CSGALNACT2: variants seen among roughly 807,000 people sequenced by gnomAD.
CSGALNACT2 encodes the protein beta 4 GalNAcT-2.
In CSGALNACT2, 35 loss-of-function variants were observed where a neutral mutation model predicts 55.3. The observed-to-expected ratio is 0.63, with a 90% confidence interval of 0.48 to 0.84. The LOEUF (loss-of-function observed/expected upper bound fraction) is 0.84. Among genes scored for constraint, CSGALNACT2 ranks in the 40% least tolerant of loss-of-function variants. The pLI, the probability that CSGALNACT2 is intolerant of heterozygous loss-of-function variation, is 0.00. For synonymous variants in CSGALNACT2, 196 were observed against 224.9 expected (o/e 0.87, Z 1.15); for missense variants, 544 against 657.5 (o/e 0.83, Z 1.89).
At chr10:43,177,120 T>C (rs1055435213) in intron 7 of CSGALNACT2, among the ~76,000 whole-genome samples, 1 of 152,126 alleles carries the variant, frequency 6.6e-6, no homozygotes, top group Non-Finnish European at 1.5e-5. Flanking sequence ...AATCAGGAAA[T>C]AACAATAAAA....
intron 1 of CSGALNACT2, among the ~76,000 whole-genome samples, chr10:43,145,195 TG>T (rs1416733736): frequency 6.6e-6 from 1 of 152,188 alleles, no homozygotes; most frequent in African/African-American, 2.4e-5. Context: ...CAGCAATTCA[TG>T]AATCAGACAG....
At chr10:43,162,076 T>C (rs1053330882) in intron 4 of CSGALNACT2, 8 of 496,226 alleles carry the variant, frequency 1.6e-5, no homozygotes, top group Middle Eastern at 3.3e-4. Context: ...ACAACCAAAT[T>C]TGGGGAAGAA....
chr10:43,176,492 A>G (rs533503446), intron 7 of CSGALNACT2, among the ~76,000 whole-genome samples: 31 of 152,340 alleles, frequency 2.0e-4, no homozygotes, highest in Admixed American at 7.2e-4. Flanking sequence ...AATACAAATG[A>G]AAGAAGACCT....
At chr10:43,159,308 T>A (rs1400672437) in intron 3 of CSGALNACT2, among the ~76,000 whole-genome samples, 2 of 152,002 alleles carry the variant, frequency 1.3e-5, no homozygotes, top group African/African-American at 4.8e-5. Flanking sequence ...TATTTTTATT[T>A]TTTTTTTTGA....
chr10:43,167,742 A>G (rs1004009899), intron 6 of CSGALNACT2, among the ~76,000 whole-genome samples: 1 of 152,176 alleles, frequency 6.6e-6, no homozygotes, highest in Non-Finnish European at 1.5e-5. Flanking sequence ...GTACACTAGG[A>G]TTACACCAGT....
chr10:43,161,451 TG>T (rs1022372314), intron 4 of CSGALNACT2, among the ~76,000 whole-genome samples: 1 of 152,240 alleles, frequency 6.6e-6, no homozygotes, highest in Non-Finnish European at 1.5e-5. Flanking sequence ...TGTGGCCATT[TG>T]CCAAGAGCCC....
intron 1 of CSGALNACT2, among the ~76,000 whole-genome samples, chr10:43,154,645 T>C (rs908647766): frequency 6.6e-6 from 1 of 151,946 alleles, no homozygotes; most frequent in Non-Finnish European, 1.5e-5. Context: ...AAGGATCACT[T>C]GAACCCAGGA....
chr10:43,155,235 T>G lies in CSGALNACT2; in HGVS notation c.86T>G (p.Met29Arg). 2 of 1,614,154 alleles carry G rather than the reference T, an allele frequency of 1.2e-6. No homozygotes were observed. Among genetic ancestry groups the G allele is most frequent in the South Asian group, 2.2e-5 (2 of 91,086 alleles). The change falls in exon 2 of 8, where the codon ATG becomes AGG. Residue 29 changes from methionine (M) to arginine (R), a missense_variant. Met to Arg is a moderately conservative substitution (Grantham distance 91, BLOSUM62 -1). Coordinates refer to ENST00000374466, the MANE Select transcript of CSGALNACT2 (RefSeq NM_018590.5). Reference protein sequence around the residue: ...LALLCSLVLFMYLLECAPQTD... With the variant: ...LALLCSLVLFRYLLECAPQTD... ...TTGCTCTGCAGTTTGGTATTATTTA[T>G]GTACCTCCTGGAATGTGCCCCCCAG...
intron 7 of CSGALNACT2, 65 bp from the exon 8 acceptor site, chr10:43,183,185 A>C: frequency 8.0e-7 from 1 of 1,246,022 alleles, no homozygotes; most frequent in Non-Finnish European, 1.2e-6. Context: ...TTAAAATTTT[A>C]TATATATCCC....
At position 43,155,086 on chromosome 10, in the gene CSGALNACT2, C is replaced by CT; in HGVS notation, c.-59dup. 1.5e-6 allele frequency: 2 copies of CT among 1,293,956 alleles called. No individual in the cohort carries two copies. Among genetic ancestry groups the CT allele is most frequent in the South Asian group, 2.9e-5 (2 of 69,942 alleles). 80.2% of individuals were successfully genotyped at this position (1,293,956 alleles called of 1,614,324 possible). ...TGATTTTGTTTTTAATTTTTGATAA[C>CT]TTTTTACTAAAGGTATGAACACACA... is the stretch of plus-strand genomic sequence containing the variant. On this transcript the variant is annotated 5_prime_UTR_variant, in exon 2 of 8. An upstream open reading frame in the 5' UTR loses its in-frame stop. Coordinates refer to ENST00000374466, the MANE Select transcript of CSGALNACT2 (RefSeq NM_018590.5).
intron 5 of CSGALNACT2, among the ~76,000 whole-genome samples, chr10:43,165,999 A>G (rs1314898356): frequency 6.6e-6 from 1 of 152,188 alleles, no homozygotes; most frequent in South Asian, 2.1e-4. Flanking sequence ...GTTTTAAAGA[A>G]TCTAATAGCA....
chr10:43,147,265 G>A (rs928558990), intron 1 of CSGALNACT2, among the ~76,000 whole-genome samples: 5 of 152,052 alleles, frequency 3.3e-5, no homozygotes, highest in African/African-American at 9.7e-5. Flanking sequence ...GTGAGCCACC[G>A]CGCCCGGCCG....
intron 5 of CSGALNACT2, among the ~76,000 whole-genome samples, chr10:43,166,563 G>A (rs1030715288): frequency 5.3e-5 from 8 of 152,120 alleles, no homozygotes; most frequent in African/African-American, 1.9e-4. Context: ...ATTATTCTCT[G>A]CATATCTATT....
At chr10:43,148,652 C>T (rs1001231399) in intron 1 of CSGALNACT2, among the ~76,000 whole-genome samples, 1 of 151,970 alleles carries the variant, frequency 6.6e-6, no homozygotes, top group Non-Finnish European at 1.5e-5. Context: ...ATATTGTATA[C>T]AGGATTGTTT....
At chr10:43,152,749 G>T (rs1484727880) in intron 1 of CSGALNACT2, among the ~76,000 whole-genome samples, 1 of 152,128 alleles carries the variant, frequency 6.6e-6, no homozygotes, top group Non-Finnish European at 1.5e-5. Context: ...ACATGCTTAA[G>T]TATGTATATC....
At chr10:43,163,816 T>C (rs1210267772) in intron 4 of CSGALNACT2, 50 bp from the exon 5 acceptor site, 2 of 1,537,916 alleles carry the variant, frequency 1.3e-6, no homozygotes, top group Non-Finnish European at 1.8e-6. Flanking sequence ...GGAAGAAAAT[T>C]GGTAACTTTA....
intron 5 of CSGALNACT2, among the ~76,000 whole-genome samples, chr10:43,164,983 G>A (rs977493135): frequency 1.1e-4 from 17 of 152,110 alleles, no homozygotes; most frequent in African/African-American, 4.1e-4. Flanking sequence ...CAGCACTTTG[G>A]GAGGCCGAGG....
chr10:43,156,582 C>A (rs1332519256), intron 2 of CSGALNACT2, among the ~76,000 whole-genome samples: 1 of 152,232 alleles, frequency 6.6e-6, no homozygotes, highest in Non-Finnish European at 1.5e-5. Context: ...TGGTCCCCAG[C>A]CTTTTTGGCA....
chr10:43,163,745 A>G, intron 4 of CSGALNACT2, 121 bp from the exon 5 acceptor site: 1 of 1,374,908 alleles, frequency 7.3e-7, no homozygotes, highest in Non-Finnish European at 9.4e-7. Context: ...CCCTTTGTGA[A>G]TGTAGAACCA....
Sources: gnomAD v4.1 joint callset for allele counts (sites outside exome capture counted in the v4.1 genomes callset) on GRCh38, gnomAD v4.1.1 for gene constraint, MANE v1.5 for transcripts, NCBI Gene and HGNC (gene_info 2026-07-23, HGNC 2026-07-21) for gene names.